KIRREL3: variants seen among roughly 807,000 people sequenced by gnomAD.
The protein encoded by KIRREL3 is kirre like nephrin family adhesion molecule 3, also known as kin of IRRE-like protein 3.
A neutral mutation model predicts 89.7 loss-of-function variants in KIRREL3; 36 were observed. The observed-to-expected ratio is 0.40, with a 90% CI of 0.31 to 0.53. The LOEUF is 0.53. Ranked by LOEUF, KIRREL3 falls within the 20% of genes least tolerant of loss-of-function variation. The pLI, the probability that KIRREL3 is intolerant of heterozygous loss-of-function variation, is 0.49. For missense variants in KIRREL3, 864 were observed against 1,056.6 expected, an observed-to-expected ratio of 0.82 and a Z score of 2.53; for synonymous variants, 445 against 441.4, an observed-to-expected ratio of 1.01 and a Z score of -0.10.
At chr11:126,735,379 G>A (rs1027096556) in intron 1 of KIRREL3, among the ~76,000 whole-genome samples, 2 of 152,178 alleles carry the variant, frequency 1.3e-5, no homozygotes, top group African/African-American at 4.8e-5. Flanking sequence ...ACCATTGCAT[G>A]ACCAACTGGG....
chr11:126,494,900 C>A (rs1957614070), intron 4 of KIRREL3, among the ~76,000 whole-genome samples: 1 of 152,260 alleles, frequency 6.6e-6, no homozygotes, highest in Non-Finnish European at 1.5e-5. Context: ...ATGACACTCA[C>A]CTTAATCAGG....
At chr11:126,426,401 ATGTTG>A (rs1234135098) in intron 15 of KIRREL3, among the ~76,000 whole-genome samples, 3 of 152,170 alleles carry the variant, frequency 2.0e-5, no homozygotes, top group African/African-American at 4.8e-5. Flanking sequence ...AGTGCTTTGC[ATGTTG>A]TGGTCACTGA....
In KIRREL3 at chr11:126,561,227, T is replaced by G. The variant is rs977734537; in HGVS notation, c.133+1608A>C. Among the ~76,000 whole-genome samples, 1 of 152,182 alleles carries G rather than the reference T, an allele frequency of 6.6e-6. No individual in the cohort carries two copies. The highest frequency in any genetic ancestry group is 2.4e-5 in the African/African-American group (1 of 41,450). On this transcript the variant is annotated intron_variant, in intron 2 of 16. Coordinates refer to ENST00000525144, the MANE Select transcript of KIRREL3 (RefSeq NM_032531.4). This position sits in a 1 kb window ranked among gnomAD's most constrained non-coding sequence, Gnocchi z 4.5. ...AGCTGACCCACCTGTGTCTCTCCTCTGCCCCACTGCCTCACCCTCCTCTTA... is the reference window on the plus strand; with the variant it reads ...AGCTGACCCACCTGTGTCTCTCCTCGGCCCCACTGCCTCACCCTCCTCTTA...
intron 1 of KIRREL3, among the ~76,000 whole-genome samples, chr11:126,631,277 G>A (rs570045150): frequency 6.6e-6 from 1 of 152,294 alleles, no homozygotes; most frequent in Middle Eastern, 3.4e-3. Flanking sequence ...TTTTACACAT[G>A]AGGAAACCGG....
At chr11:126,926,453 C>T (rs1947719521) in intron 1 of KIRREL3, among the ~76,000 whole-genome samples, 1 of 152,158 alleles carries the variant, frequency 6.6e-6, no homozygotes, top group African/African-American at 2.4e-5. Context: ...GCACCTTCCT[C>T]CCTGGGCTCT....
intron 1 of KIRREL3, among the ~76,000 whole-genome samples, chr11:126,968,470 T>G (rs1461805938): frequency 6.6e-6 from 1 of 152,210 alleles, no homozygotes; most frequent in Non-Finnish European, 1.5e-5. Flanking sequence ...TTCTCCCAAA[T>G]TTTCAGCTCA....
chr11:126,722,794 G>A (rs966710750), intron 1 of KIRREL3, among the ~76,000 whole-genome samples: 1 of 152,148 alleles, frequency 6.6e-6, no homozygotes, highest in African/African-American at 2.4e-5. Flanking sequence ...TGCATTCCCC[G>A]TTATCTGGGA....
At position 126,773,318 on chromosome 11, in the gene KIRREL3, G is replaced by A. The variant is rs1950075133; in HGVS notation, c.56-210406C>T. On this transcript the variant is annotated intron_variant, in intron 1 of 16. Transcript: ENST00000525144. The surrounding 1 kb of genome is among the most constrained non-coding windows in gnomAD (Gnocchi z 4.2). Reference sequence around the variant, plus strand: ...GGTCGGCTTTGTCCCATCAGTTCAGGGCCAGAGTAGAACAAAAGGCTGGCC... The same window carrying A: ...GGTCGGCTTTGTCCCATCAGTTCAGAGCCAGAGTAGAACAAAAGGCTGGCC... 6.6e-6 allele frequency among the ~76,000 whole-genome samples: 1 copy of A among 152,042 alleles called. No individual in the cohort carries two copies. Among genetic ancestry groups the A allele is most frequent in the Non-Finnish European group, 1.5e-5 (1 of 68,014 alleles).
At chr11:126,681,889 G>A (rs536794970) in intron 1 of KIRREL3, 107 of 455,178 alleles carry the variant, frequency 2.4e-4, no homozygotes, top group South Asian at 7.9e-4. Flanking sequence ...TCAAATGTAC[G>A]TTTAGGAAGA....
chr11:126,632,487 C>T (rs968560833), intron 1 of KIRREL3, among the ~76,000 whole-genome samples: 24 of 152,128 alleles, frequency 1.6e-4, no homozygotes, highest in Admixed American at 4.6e-4. Flanking sequence ...ATATTTGGCT[C>T]GGAGGAAGGC....
intron 1 of KIRREL3, among the ~76,000 whole-genome samples, chr11:126,859,489 C>G (rs1458619248): frequency 7.2e-5 from 11 of 152,072 alleles, no homozygotes; most frequent in Admixed American, 7.2e-4. Flanking sequence ...TGGATAGCAG[C>G]CTCAAAGGAC....
Position 126,519,151 on chromosome 11 carries a change from C to T in KIRREL3, c.433+2164G>A, listed in dbSNP as rs575965885. ...CAAACCCAGCTCTGTGCCCAGAGGG[C>T]GGTGTCAGGCCATGCCACCGGAGAG... On this transcript the variant is annotated intron_variant, in intron 4 of 16. Coordinates refer to ENST00000525144, the MANE Select transcript of KIRREL3 (RefSeq NM_032531.4). This position sits in a 1 kb window ranked among gnomAD's most constrained non-coding sequence, Gnocchi z 4.3. Among the ~76,000 whole-genome samples the T allele has an allele frequency of 5.3e-5, 8 of 152,292 alleles. No individual in the cohort carries two copies. The highest frequency in any genetic ancestry group is 3.9e-4 in the East Asian group (2 of 5,178).
chr11:126,546,627 C>T (rs571004125), intron 2 of KIRREL3, among the ~76,000 whole-genome samples: 1 of 152,352 alleles, frequency 6.6e-6, no homozygotes, highest in South Asian at 2.1e-4. Context: ...CTCCTAACAT[C>T]ATAAATATGG....
At chr11:126,862,790 C>A (rs979090514) in intron 1 of KIRREL3, among the ~76,000 whole-genome samples, 1 of 152,206 alleles carries the variant, frequency 6.6e-6, no homozygotes, top group African/African-American at 2.4e-5. Flanking sequence ...GACAGAACAG[C>A]CACAGAGAAA....
Position 126,881,732 on chromosome 11 carries a change from G to C in KIRREL3, c.55+118723C>G, listed in dbSNP as rs2134715768. Among the ~76,000 whole-genome samples the C allele has an allele frequency of 1.3e-5, 2 of 152,144 alleles. 1 individual carries two copies. The highest frequency in any genetic ancestry group is 4.2e-4 in the South Asian group (2 of 4,798). On this transcript the variant is annotated intron_variant, in intron 1 of 16. Coordinates refer to ENST00000525144, the MANE Select transcript of KIRREL3 (RefSeq NM_032531.4). The stretch of plus-strand genomic sequence containing the variant: ...TCGGCTAATTTTTGTATTTTTAGTA[G>C]AGATGGGGTTTCACCATGTTGGCCA...
Position 126,567,853 on chromosome 11 carries a change from T to C in KIRREL3, c.56-4941A>G, listed in dbSNP as rs539707355. ...AGACATTAATGTGCCCTCAAGTAACTGCAGATGGAGCCGGTGACAACGGAT... is the reference window on the plus strand; with the variant it reads ...AGACATTAATGTGCCCTCAAGTAACCGCAGATGGAGCCGGTGACAACGGAT... On this transcript the variant is annotated intron_variant, in intron 1 of 16. Coordinates refer to ENST00000525144, the MANE Select transcript of KIRREL3 (RefSeq NM_032531.4). Among the ~76,000 whole-genome samples, 13 of 152,220 alleles carry C rather than the reference T, an allele frequency of 8.5e-5. 1 individual carries two copies. The highest frequency in any genetic ancestry group is 2.0e-4 in the Admixed American group (3 of 15,290).
chr11:126,927,127 C>T (rs1947752404), intron 1 of KIRREL3, among the ~76,000 whole-genome samples: 1 of 152,212 alleles, frequency 6.6e-6, no homozygotes, highest in Non-Finnish European at 1.5e-5. Flanking sequence ...CAAAGCCTTT[C>T]TTTTCATTGT....
chr11:126,814,151 A>T lies in KIRREL3; in HGVS notation c.55+186304T>A, dbSNP rs555048226. ...TACATGTGGCCAACAAATATATGAAAAAAAGCTTAACATCACTGATCATTA... is the reference window on the plus strand; with the variant it reads ...TACATGTGGCCAACAAATATATGAATAAAAGCTTAACATCACTGATCATTA... On this transcript the variant is annotated intron_variant, in intron 1 of 16. Coordinates refer to ENST00000525144, the MANE Select transcript of KIRREL3 (RefSeq NM_032531.4). This position sits in a 1 kb window ranked among gnomAD's most constrained non-coding sequence, Gnocchi z 4.4. 7.2e-5 allele frequency among the ~76,000 whole-genome samples: 11 copies of T among 152,338 alleles called. No homozygotes were observed. In the East Asian group the frequency reaches 2.1e-3, roughly 29 times the overall value.
At chr11:126,457,879 C>T (rs566270211) in intron 6 of KIRREL3, among the ~76,000 whole-genome samples, 3 of 152,224 alleles carry the variant, frequency 2.0e-5, no homozygotes, top group East Asian at 1.9e-4. Context: ...GGAAACAGCT[C>T]GAGGGGGCTG....
Sources: gnomAD v4.1 joint callset for allele counts (sites outside exome capture counted in the v4.1 genomes callset) on GRCh38, gnomAD v4.1.1 for gene constraint, Gnocchi (gnomAD v3.1) non-coding constraint, MANE v1.5 for transcripts, NCBI Gene and HGNC (gene_info 2026-07-23, HGNC 2026-07-21) for gene names.